The following CMYA5 variants were observed in gnomAD, a reference collection of about 807,000 sequenced individuals.
CMYA5 encodes cardiomyopathy associated 5.
In CMYA5, 246 loss-of-function variants were observed where a neutral mutation model predicts 318.9. The ratio of observed to expected loss-of-function variants is 0.77; its 90% CI spans 0.70 to 0.86. The LOEUF (loss-of-function observed/expected upper bound fraction) is 0.86. Among genes scored for constraint, CMYA5 ranks in the 40% least tolerant of loss-of-function variants. The pLI is 0.00. For synonymous variants in CMYA5, 1,641 were observed against 1,729.5 expected, an observed-to-expected ratio of 0.95 and a Z score of 1.27; for missense variants, 4,589 against 4,678.2, an observed-to-expected ratio of 0.98 and a Z score of 0.56.
rs771222469 is a variant in CMYA5 at position 79,738,569 on chromosome 5, T to G, written c.9804T>G (p.Gly3268=). The part of the protein sequence containing the change: ...QGQGLEEKRV[G]KDDSYQPIAA... ...AAGGTCTGGAAGAAAAACGAGTTGG[T>G]AAGGATGATTCATACCAACCGATAG... The change falls in exon 2 of 13, where the codon GGT becomes GGG. Residue 3268 remains glycine, a synonymous_variant. Coordinates refer to ENST00000446378, the MANE Select transcript of CMYA5 (RefSeq NM_153610.5). 1.9e-6 allele frequency: 3 copies of G among 1,613,402 alleles called. No homozygotes were observed. The highest frequency in any genetic ancestry group is 2.5e-6 in the Non-Finnish European group (3 of 1,179,858).
At chr5:79,699,070 A>T (rs1159136159) in intron 1 of CMYA5, among the ~76,000 whole-genome samples, 1 of 152,170 alleles carries the variant, frequency 6.6e-6, no homozygotes, top group Admixed American at 6.5e-5. Context: ...GGGCAGGAGA[A>T]TCGCTTGAAC....
intron 12 of CMYA5, 80 bp downstream of exon 12, chr5:79,793,690 A>G: frequency 3.9e-6 from 5 of 1,292,054 alleles, no homozygotes; most frequent in Admixed American, 2.2e-5. Flanking sequence ...GGGACCTGAT[A>G]AATAGCACCC....
In CMYA5 at chr5:79,736,074, A is replaced by G. The variant is rs771576070; in HGVS notation, c.7309A>G (p.Thr2437Ala). The G allele has an allele frequency of 3.7e-6, 6 of 1,612,190 alleles. No individual in the cohort carries two copies. The East Asian group carries it at 1.3e-4, about 36-fold the overall frequency. The change falls in exon 2 of 13, where the codon ACT becomes GCT. Residue 2437 changes from threonine to alanine, a missense_variant. Physicochemically the swap from Thr to Ala is moderately conservative, Grantham distance 58 (BLOSUM62 0). This residue lies in a region of CMYA5 where 2,431 missense variants were observed against 2,495.1 expected (regional missense o/e 0.97). Coordinates refer to ENST00000446378, the MANE Select transcript of CMYA5 (RefSeq NM_153610.5). ...ACTCAAGAAAGAAATGCAAAATCCT[A>G]CTTCCTTGAAAATTTCTGAAGAGGA... ...DRLKKEMQNP[T>A]SLKISEEETK... is the part of the protein sequence containing the mutation.
intron 1 of CMYA5, among the ~76,000 whole-genome samples, chr5:79,706,928 T>C (rs1016742612): frequency 2.0e-5 from 3 of 152,224 alleles, no homozygotes; most frequent in African/African-American, 7.2e-5. Context: ...AATGCTATTC[T>C]TCAGCCAGCA....
In CMYA5 at chr5:79,731,050, C is replaced by T; in HGVS notation, c.2285C>T (p.Thr762Ile). 1 of 1,614,024 alleles carries T rather than the reference C, an allele frequency of 6.2e-7. No individual in the cohort carries two copies. Residue 762 changes from threonine (T) to isoleucine (I), a missense_variant, in exon 2 of 13, where the codon ACT becomes ATT. This residue lies in a region of CMYA5 where 2,132 missense variants were observed against 2,131.3 expected (regional missense o/e 1.00). Transcript: ENST00000446378. The stretch of plus-strand genomic sequence containing the variant: ...CTCTCACCATCCACAACCGAAAAGA[C>T]TTCTGAATGCCAGTCACCACTGCCT... ...PSLSPSTTEK[T>I]SECQSPLPST... is the part of the protein sequence containing the mutation.
chr5:79,763,094 T>TG lies in CMYA5; in HGVS notation c.11441dup (p.Cys3814TrpfsTer34). ...CACCCCTGTGATCCGCGCTGAGGACTGTACTGTGTGTTGGAACACAGCCAC... is the reference window on the plus strand; with the variant it reads ...CACCCCTGTGATCCGCGCTGAGGACTGGTACTGTGTGTTGGAACACAGCCAC... On this transcript the variant is annotated frameshift_variant, in exon 9 of 13. Transcript: ENST00000446378. LOFTEE classifies it high-confidence loss of function. The TG allele has an allele frequency of 6.2e-7, 1 of 1,613,918 alleles. No individual in the cohort carries two copies. Among genetic ancestry groups the TG allele is most frequent in the Non-Finnish European group, 8.5e-7 (1 of 1,179,878 alleles).
Position 79,735,946 on chromosome 5 carries a change from A to G in CMYA5, c.7181A>G (p.Asn2394Ser). ...CAACAGCCAAAATCAGCTTCCTCCA[A>G]CTTTGCAAGTAAAAATATCACAAAG... ...VPQQPKSASS[N>S]FASKNITKES... Residue 2394 changes from asparagine (N) to serine (S), a missense_variant, in exon 2 of 13, where the codon AAC becomes AGC. Transcript: ENST00000446378. The G allele has an allele frequency of 6.2e-7, 1 of 1,611,566 alleles. No individual in the cohort carries two copies. The highest frequency in any genetic ancestry group is 8.5e-7 in the Non-Finnish European group (1 of 1,179,234).
intron 9 of CMYA5, among the ~76,000 whole-genome samples, chr5:79,788,353 T>G (rs1276505059): frequency 6.6e-6 from 1 of 152,306 alleles, no homozygotes; most frequent in African/African-American, 2.4e-5. Flanking sequence ...TCCATTTGTA[T>G]TAAGTGGTGG....
chr5:79,763,740 C>T (rs1427677081), intron 9 of CMYA5, among the ~76,000 whole-genome samples: 1 of 152,196 alleles, frequency 6.6e-6, no homozygotes, highest in Non-Finnish European at 1.5e-5. Flanking sequence ...CACCAAGATG[C>T]TGAAGCTGAC....
At chr5:79,758,943 A>G (rs145915569) in intron 7 of CMYA5, 41 bp downstream of exon 7, 4 of 1,454,180 alleles carry the variant, frequency 2.8e-6, no homozygotes, top group Middle Eastern at 3.6e-4. Context: ...ATGCATATTC[A>G]TGCATCTTCA....
intron 9 of CMYA5, among the ~76,000 whole-genome samples, chr5:79,768,212 C>T (rs1390963325): frequency 6.6e-6 from 1 of 151,938 alleles, no homozygotes; most frequent in Non-Finnish European, 1.5e-5. Flanking sequence ...ATGAGATGGT[C>T]TCCTGAATAC....
At position 79,704,438 on chromosome 5, in the gene CMYA5, C is replaced by T. The variant is rs1172031968; in HGVS notation, c.149+14382C>T. Among the ~76,000 whole-genome samples, 5 of 152,132 alleles carry T rather than the reference C, an allele frequency of 3.3e-5. No homozygotes were observed. In the East Asian group the frequency reaches 5.8e-4, roughly 18 times the overall value. ...TGTGTGCAAGGGTCTGAAAGCCATT[C>T]GAACTGGTCCTATCACCCAGGAGAG... On this transcript the variant is annotated intron_variant, in intron 1 of 12. Transcript: ENST00000446378.
intron 1 of CMYA5, 88 bp downstream of exon 1, chr5:79,690,144 G>A (rs890702054): frequency 1.5e-6 from 2 of 1,365,806 alleles, no homozygotes; most frequent in Non-Finnish European, 1.9e-6. Flanking sequence ...AAGCTCTGGG[G>A]TTCGTTTGCC....
rs1342576429 is a variant in CMYA5, at chr5:79,735,035, C to T, written c.6270C>T (p.His2090=). ...CATTGGGCAATGAAAAAGAAGCACACAGGAGCACACCTCCTTTTCCTGAAG... is the reference window on the plus strand; with the variant it reads ...CATTGGGCAATGAAAAAGAAGCACATAGGAGCACACCTCCTTTTCCTGAAG... ...EPALGNEKEA[H]RSTPPFPEEK... The change falls in exon 2 of 13, where the codon CAC becomes CAT. Residue 2090 remains histidine (H), a synonymous_variant. Coordinates refer to ENST00000446378, the MANE Select transcript of CMYA5 (RefSeq NM_153610.5). 1.2e-6 allele frequency: 2 copies of T among 1,613,858 alleles called. No individual in the cohort carries two copies. The highest frequency in any genetic ancestry group is 1.7e-6 in the Non-Finnish European group (2 of 1,179,816).
rs542333043 is a variant in CMYA5, at chr5:79,711,428, C to T, written c.150-17487C>T. 4.6e-5 allele frequency among the ~76,000 whole-genome samples: 7 copies of T among 152,268 alleles called. No individual in the cohort carries two copies. The East Asian group carries it at 1.2e-3, about 25-fold the overall frequency. ...ACAGAGAGAAAAAGAATGTAAACTA[C>T]GTAGACAATTGCTTGGAAAGTTGAA... On this transcript the variant is annotated intron_variant, in intron 1 of 12. Transcript: ENST00000446378.
chr5:79,695,329 A>G (rs1400040972), intron 1 of CMYA5, among the ~76,000 whole-genome samples: 1 of 152,240 alleles, frequency 6.6e-6, no homozygotes, highest in Non-Finnish European at 1.5e-5. Flanking sequence ...TTTAAAAAGC[A>G]GAAAGAAACA....
rs149669275 is a variant in CMYA5, at chr5:79,761,663, T to C, written c.11261-148T>C. ...AATGCTGTTGCTTTCACATGTATTC[T>C]AAGGAGCTGGTTTTCACATAATGGT... On this transcript the variant is annotated intron_variant, in intron 7 of 12. Coordinates refer to ENST00000446378, the MANE Select transcript of CMYA5 (RefSeq NM_153610.5). 272 of 735,704 alleles carry C rather than the reference T, an allele frequency of 3.7e-4. 1 individual carries two copies. The East Asian group carries it at 7.0e-3, about 19-fold the overall frequency. 45.6% of individuals were successfully genotyped at this position (735,704 alleles called of 1,614,324 possible).
Position 79,731,347 on chromosome 5 carries a change from C to T in CMYA5, c.2582C>T (p.Thr861Ile). Reference sequence around the variant, plus strand: ...GAACACTCTTTCCCACCACACACAACCGAGATGACTTCTGAATGCCAGGCC... The same window carrying T: ...GAACACTCTTTCCCACCACACACAATCGAGATGACTTCTGAATGCCAGGCC... ...ASEHSFPPHTTEMTSECQAPP... is the reference protein window; with the variant it reads ...ASEHSFPPHTIEMTSECQAPP... The change falls in exon 2 of 13, where the codon ACC (threonine) becomes ATC (isoleucine). Residue 861 changes from threonine (T) to isoleucine (I), a missense_variant. This residue lies in a region of CMYA5 where 2,132 missense variants were observed against 2,131.3 expected (regional missense o/e 1.00). Transcript: ENST00000446378. The T allele has an allele frequency of 6.2e-7, 1 of 1,613,986 alleles. No individual in the cohort carries two copies. Among genetic ancestry groups the T allele is most frequent in the Non-Finnish European group, 8.5e-7 (1 of 1,179,904 alleles).
intron 4 of CMYA5, 61 bp from the exon 5 acceptor site, chr5:79,747,030 C>G: frequency 1.0e-6 from 1 of 1,001,110 alleles, no homozygotes. Context: ...TAGCTTCTCT[C>G]TCTCTTTCTC....
Sources: gnomAD v4.1 joint callset for allele counts (sites outside exome capture counted in the v4.1 genomes callset) on GRCh38, gnomAD v4.1.1 for gene constraint, gnomAD v4.1.1 regional missense constraint, MANE v1.5 for transcripts, NCBI Gene and HGNC (gene_info 2026-07-23, HGNC 2026-07-21) for gene names.